Variants in NMT2 observed in about 807,000 individuals in gnomAD.
NMT2 encodes the protein N-myristoyltransferase 2, also known as glycylpeptide N-tetradecanoyltransferase 2.
In NMT2, 35 loss-of-function variants were observed where a neutral mutation model predicts 65.4. That is an observed-to-expected ratio of 0.54 (90% CI 0.41 to 0.71). The LOEUF is 0.71. Ranked by LOEUF, NMT2 falls within the 30% of genes least tolerant of loss-of-function variation. NMT2 has a pLI of 0.00. For missense variants in NMT2, 489 were observed against 611.3 expected (o/e 0.80, Z 2.11); for synonymous variants, 226 against 231.8 (o/e 0.98, Z 0.23).
chr10:15,135,238 T>C (rs12243440), intron 3 of NMT2, 36 bp downstream of exon 3: 112,232 of 1,606,486 alleles, frequency 0.07, 4,335 homozygotes, highest in African/African-American at 0.12. Context: ...CCAGCTTTGT[T>C]TGTGGGGAAA....
intron 1 of NMT2, among the ~76,000 whole-genome samples, chr10:15,148,904 C>T (rs908786075): frequency 1.3e-5 from 2 of 152,122 alleles, no homozygotes; most frequent in Admixed American, 6.5e-5. Flanking sequence ...CTTAAGAAAA[C>T]ATGCTCAATT....
At chr10:15,119,209 T>C in intron 9 of NMT2, 134 bp downstream of exon 9, 1 of 787,958 alleles carries the variant, frequency 1.3e-6, no homozygotes, top group South Asian at 1.7e-5. Flanking sequence ...TCTTATTAAC[T>C]CTCTACCCTT....
intron 1 of NMT2, among the ~76,000 whole-genome samples, chr10:15,166,737 T>C (rs1249627990): frequency 2.0e-5 from 3 of 152,184 alleles, no homozygotes; most frequent in Non-Finnish European, 2.9e-5. Flanking sequence ...ATATATAAAA[T>C]GTGCTGATAT....
chr10:15,164,121 T>G (rs1833295345), intron 1 of NMT2, among the ~76,000 whole-genome samples: 1 of 144,302 alleles, frequency 6.9e-6, no homozygotes, highest in South Asian at 2.2e-4. Flanking sequence ...AGGCAGAGCT[T>G]GCAGTGAGCC....
At chr10:15,141,768 C>T (rs1243229132) in intron 1 of NMT2, among the ~76,000 whole-genome samples, 1 of 152,212 alleles carries the variant, frequency 6.6e-6, no homozygotes, top group African/African-American at 2.4e-5. Context: ...AGTCATCCTG[C>T]AGGTGCTTAG....
chr10:15,148,124 C>T (rs757131764), intron 1 of NMT2, among the ~76,000 whole-genome samples: 1 of 152,224 alleles, frequency 6.6e-6, no homozygotes, highest in Non-Finnish European at 1.5e-5. Context: ...TGAATCCTGA[C>T]TCCACAAGTT....
chr10:15,156,759 G>A (rs867289551), intron 1 of NMT2, among the ~76,000 whole-genome samples: 62 of 152,060 alleles, frequency 4.1e-4, no homozygotes, highest in African/African-American at 1.4e-3. Context: ...AGCCATACGT[G>A]GTGGCACATG....
intron 1 of NMT2, among the ~76,000 whole-genome samples, chr10:15,157,908 T>C (rs967980569): frequency 6.6e-6 from 1 of 152,174 alleles, no homozygotes; most frequent in African/African-American, 2.4e-5. Flanking sequence ...AGCAACAGAT[T>C]TACAGTCAGA....
intron 1 of NMT2, among the ~76,000 whole-genome samples, chr10:15,152,336 CAAAT>C (rs950930108): frequency 4.3e-4 from 66 of 152,228 alleles, no homozygotes; most frequent in African/African-American, 1.5e-3. Context: ...AGGAAAGAAA[CAAAT>C]AAATTTTTTA....
At chr10:15,150,830 C>A (rs1347599076) in intron 1 of NMT2, among the ~76,000 whole-genome samples, 5 of 152,118 alleles carry the variant, frequency 3.3e-5, no homozygotes. Flanking sequence ...AATGGCTGAA[C>A]AATACGCCCG....
chr10:15,132,397 C>A (rs1351441602), intron 6 of NMT2, among the ~76,000 whole-genome samples: 3 of 152,040 alleles, frequency 2.0e-5, no homozygotes, highest in Non-Finnish European at 2.9e-5. Flanking sequence ...TCCCTGATCA[C>A]CGGACAGCTT....
At chr10:15,142,982 G>A (rs1300059856) in intron 1 of NMT2, among the ~76,000 whole-genome samples, 2 of 152,152 alleles carry the variant, frequency 1.3e-5, no homozygotes, top group Non-Finnish European at 2.9e-5. Flanking sequence ...CTGTTATAGT[G>A]TGATTTATGT....
chr10:15,124,997 A>G (rs763808772), intron 8 of NMT2, among the ~76,000 whole-genome samples: 8 of 151,960 alleles, frequency 5.3e-5, no homozygotes, highest in Non-Finnish European at 1.2e-4. Flanking sequence ...TGGTGTCCCC[A>G]TAGTGGGTAA....
rs34668178 is a variant in NMT2, at chr10:15,147,095, C to CAAAAAAAA, written c.111-5546_111-5539dup. ...CAACAGCGAAAGATCCTCTCGCTCT[C>CAAAAAAAA]AAAAAAAAAAAAAAAAAAAAAAAAA... On this transcript the variant is annotated intron_variant, in intron 1 of 11. Coordinates refer to ENST00000378165, the MANE Select transcript of NMT2 (RefSeq NM_004808.3). Among the ~76,000 whole-genome samples, 33 of 44,518 alleles carry CAAAAAAAA rather than the reference C, an allele frequency of 7.4e-4. 2 individuals carry two copies. The highest frequency in any genetic ancestry group is 1.2e-3 in the South Asian group (1 of 838). 29.2% of individuals were successfully genotyped at this position (44,518 alleles called of 152,430 possible).
At chr10:15,142,448 G>T (rs1160389822) in intron 1 of NMT2, among the ~76,000 whole-genome samples, 3 of 152,178 alleles carry the variant, frequency 2.0e-5, no homozygotes, top group Admixed American at 6.6e-5. Flanking sequence ...TGTAGTCCCA[G>T]CTACTCAGGA....
chr10:15,114,593 A>AG (rs1845685000), intron 9 of NMT2, among the ~76,000 whole-genome samples: 1 of 152,258 alleles, frequency 6.6e-6, no homozygotes, highest in Non-Finnish European at 1.5e-5. Flanking sequence ...GAGAAAAGAG[A>AG]GGACAAGCTC....
In NMT2 at chr10:15,107,674, C is replaced by G. The variant is rs1845351841; in HGVS notation, c.*1521G>C. 32 of 705,902 alleles carry G rather than the reference C, an allele frequency of 4.5e-5. No individual in the cohort carries two copies. Among genetic ancestry groups the G allele is most frequent in the Non-Finnish European group, 5.6e-5 (32 of 575,434 alleles). The allele number at this position is 705,902 out of a possible 1,614,324, so 43.7% of individuals were successfully genotyped here. ...TTCACCATGTTGGCCAGGCTGGTCT[C>G]GAACCCCTGACCTCAAATGTTTCGC... On this transcript the variant is annotated 3_prime_UTR_variant, in exon 12 of 12. Coordinates refer to ENST00000378165, the MANE Select transcript of NMT2 (RefSeq NM_004808.3).
rs1315813891 is a variant in NMT2 at position 15,130,189 on chromosome 10, A to G, written c.843T>C (p.Ala281=). 1 of 1,602,622 alleles carries G rather than the reference A, an allele frequency of 6.2e-7. No individual in the cohort carries two copies. Among genetic ancestry groups the G allele is most frequent in the Non-Finnish European group, 8.5e-7 (1 of 1,173,786 alleles). Residue 281 remains alanine, a synonymous_variant, in exon 7 of 12, where the codon GCT becomes GCC. Coordinates refer to ENST00000378165, the MANE Select transcript of NMT2 (RefSeq NM_004808.3). ...GAAGAACCACTCCCGCGGTGTACAC[A>G]GCCTGGAAGATCCCTTCCAGGTTCA... ...RRVNLEGIFQ[A]VYTAGVVLPK... is the part of the protein sequence containing the mutation.
chr10:15,133,250 C>T lies in NMT2; in HGVS notation c.505G>A (p.Glu169Lys), dbSNP rs756100960. Residue 169 changes from glutamate to lysine, a missense_variant, in exon 4 of 12, where the codon GAA becomes AAA. Physicochemically the swap from Glu to Lys is moderately conservative, Grantham distance 56. Coordinates refer to ENST00000378165, the MANE Select transcript of NMT2 (RefSeq NM_004808.3). Reference protein sequence around the residue: ...MWDTLDLSDAEVLKELYTLLN... With the variant: ...MWDTLDLSDAKVLKELYTLLN... ...AGAGGTTTTTACTCACTCACCACTT[C>T]GGCATCACTCAAGTCTAAAGTGTCC... The T allele has an allele frequency of 3.7e-6, 6 of 1,612,838 alleles. No individual in the cohort carries two copies. The highest frequency in any genetic ancestry group is 2.2e-5 in the South Asian group (2 of 91,064).
Sources: allele counts gnomAD v4.1 joint callset (sites outside exome capture counted in the v4.1 genomes callset), GRCh38; gene constraint gnomAD v4.1.1; transcripts MANE v1.5; gene names NCBI Gene and HGNC (gene_info 2026-07-23, HGNC 2026-07-21).